PXDNL: variants seen among roughly 807,000 people sequenced by gnomAD.
PXDNL encodes peroxidasin like.
In PXDNL, 145 loss-of-function variants were observed where a neutral mutation model predicts 150.8. That is an observed-to-expected ratio of 0.96 (90% CI 0.84 to 1.10). The LOEUF is 1.10. Among genes scored for constraint, PXDNL ranks in the 50% least tolerant of loss-of-function variants. PXDNL has a pLI of 0.00. For synonymous variants in PXDNL, 757 were observed against 725.7 expected (o/e 1.04, Z -0.69); for missense variants, 2,087 against 1,873.9 (o/e 1.11, Z -2.10).
At chr8:51,535,144 G>T (rs200323391) in intron 4 of PXDNL, among the ~76,000 whole-genome samples, 54 of 132,310 alleles carry the variant, frequency 4.1e-4, no homozygotes, top group African/African-American at 1.2e-3. Context: ...GAGGTGAGGG[G>T]CGCTTCTGCC....
chr8:51,495,238 C>CA (rs1811016717), intron 5 of PXDNL, among the ~76,000 whole-genome samples: 1 of 151,942 alleles, frequency 6.6e-6, no homozygotes, highest in South Asian at 2.1e-4. Context: ...CCAATGAGAA[C>CA]AAAGACACAA....
intron 1 of PXDNL, among the ~76,000 whole-genome samples, chr8:51,655,274 G>A (rs372675152): frequency 1.1e-4 from 17 of 152,120 alleles, no homozygotes; most frequent in East Asian, 3.8e-4. Flanking sequence ...TGAGAGAGAC[G>A]TTACTCCACA....
chr8:51,608,579 T>C lies in PXDNL; in HGVS notation c.237-15881A>G, dbSNP rs908518572. On this transcript the variant is annotated intron_variant, in intron 2 of 22. Coordinates refer to ENST00000356297, the MANE Select transcript of PXDNL (RefSeq NM_144651.5). ...CAGGCCGGGCGCGGTGGCTCACGCC[T>C]GTAATCCCAGCACTTTGGGAGGCCA... 1.6e-4 allele frequency among the ~76,000 whole-genome samples: 23 copies of C among 148,090 alleles called. 2 individuals are homozygous for C. Among genetic ancestry groups the C allele is most frequent in the Admixed American group, 2.7e-4 (4 of 15,026 alleles).
intron 12 of PXDNL, among the ~76,000 whole-genome samples, chr8:51,433,079 C>T (rs952900256): frequency 1.1e-4 from 16 of 152,036 alleles, no homozygotes; most frequent in South Asian, 6.2e-4. Context: ...TGTGGCAGGG[C>T]GCCCCTGTAG....
At chr8:51,789,780 G>A (rs2037493898) in intron 1 of PXDNL, among the ~76,000 whole-genome samples, 1 of 152,002 alleles carries the variant, frequency 6.6e-6, no homozygotes, top group South Asian at 2.1e-4. Context: ...ATCCTTCAGG[G>A]GAAAGAGCAC....
At chr8:51,730,458 A>C (rs1816897162) in intron 1 of PXDNL, among the ~76,000 whole-genome samples, 1 of 152,206 alleles carries the variant, frequency 6.6e-6, no homozygotes, top group South Asian at 2.1e-4. Flanking sequence ...TGATAGGAAG[A>C]AAACCCCCAA....
chr8:51,600,588 T>C (rs1813689402), intron 2 of PXDNL, among the ~76,000 whole-genome samples: 1 of 136,204 alleles, frequency 7.3e-6, no homozygotes, highest in African/African-American at 2.7e-5. Context: ...AATTATATCT[T>C]ATATAAATTA....
intron 7 of PXDNL, 35 bp downstream of exon 7, chr8:51,474,937 A>G (rs190551671): frequency 6.1e-6 from 9 of 1,484,578 alleles, no homozygotes; most frequent in Middle Eastern, 2.1e-4. Flanking sequence ...AATGAGAGAC[A>G]GTTCTATCTT....
At chr8:51,502,402 A>G (rs1435061481) in intron 4 of PXDNL, among the ~76,000 whole-genome samples, 2 of 152,180 alleles carry the variant, frequency 1.3e-5, no homozygotes, top group Non-Finnish European at 2.9e-5. Flanking sequence ...CAAAGCCACA[A>G]AGCCAATCAA....
At chr8:51,671,001 G>C (rs1815489058) in intron 1 of PXDNL, among the ~76,000 whole-genome samples, 1 of 152,084 alleles carries the variant, frequency 6.6e-6, no homozygotes, top group Admixed American at 6.6e-5. Context: ...AATGAAACAA[G>C]ACTAAGAAAA....
chr8:51,470,857 T>C (rs6473604), intron 8 of PXDNL, among the ~76,000 whole-genome samples: 31,253 of 152,038 alleles, frequency 0.21, 4,322 homozygotes, highest in African/African-American at 0.39. Flanking sequence ...AAGACTTCAA[T>C]GTAAGACCTA....
chr8:51,584,807 T>C (rs919632707), intron 3 of PXDNL, among the ~76,000 whole-genome samples: 4 of 152,154 alleles, frequency 2.6e-5, no homozygotes, highest in African/African-American at 9.7e-5. Context: ...ATGGGAGCCA[T>C]TGAAGAACCC....
chr8:51,632,579 A>G (rs1374152791), intron 2 of PXDNL, among the ~76,000 whole-genome samples: 1 of 152,206 alleles, frequency 6.6e-6, no homozygotes, highest in Non-Finnish European at 1.5e-5. Context: ...GGGCAACAGA[A>G]TGAGACCCTA....
intron 1 of PXDNL, among the ~76,000 whole-genome samples, chr8:51,792,458 G>C (rs1175254699): frequency 6.6e-6 from 1 of 152,184 alleles, no homozygotes; most frequent in African/African-American, 2.4e-5. Flanking sequence ...CAGGGCCTTG[G>C]GTCCCAAGCA....
rs114226940 is a variant in PXDNL at position 51,452,781 on chromosome 8, G to A, written c.1249+738C>T. Among the ~76,000 whole-genome samples, 373 of 152,242 alleles carry A rather than the reference G, an allele frequency of 2.5e-3. 2 individuals carry two copies. The highest frequency in any genetic ancestry group is 0.014 in the Middle Eastern group (4 of 294). On this transcript the variant is annotated intron_variant, in intron 10 of 22. Coordinates refer to ENST00000356297, the MANE Select transcript of PXDNL (RefSeq NM_144651.5). ...CCTAAAACGGATCATGTAAATTACC[G>A]TACTCTCATCAACTGATGAAAAACT...
At chr8:51,322,690 G>A (rs901433981) in intron 21 of PXDNL, among the ~76,000 whole-genome samples, 2 of 152,140 alleles carry the variant, frequency 1.3e-5, no homozygotes, top group African/African-American at 4.8e-5. Context: ...AGGAGAAGAG[G>A]AGAACCCAAA....
At chr8:51,379,976 T>A (rs1478586790) in intron 17 of PXDNL, among the ~76,000 whole-genome samples, 1 of 152,130 alleles carries the variant, frequency 6.6e-6, no homozygotes, top group African/African-American at 2.4e-5. Flanking sequence ...GCCCTTTTTC[T>A]TGTGGCTTTC....
intron 19 of PXDNL, among the ~76,000 whole-genome samples, chr8:51,351,022 C>T (rs909323880): frequency 1.3e-5 from 2 of 152,098 alleles, no homozygotes; most frequent in Admixed American, 1.3e-4. Flanking sequence ...CTGAACTATC[C>T]CCACAATTGT....
In PXDNL at chr8:51,688,198, A is replaced by G. The variant is rs921203892; in HGVS notation, c.165-33438T>C. Among the ~76,000 whole-genome samples the G allele has an allele frequency of 1.3e-5, 2 of 152,124 alleles. 1 individual carries two copies. The highest frequency in any genetic ancestry group is 4.8e-5 in the African/African-American group (2 of 41,414). On this transcript the variant is annotated intron_variant, in intron 1 of 22. Coordinates refer to ENST00000356297, the MANE Select transcript of PXDNL (RefSeq NM_144651.5). Reference sequence around the variant, plus strand: ...CGGCAGATCAGTATGACCAGAGGCAATGCCACTGGGTGAGGGGAGGGGAGC... The same window carrying G: ...CGGCAGATCAGTATGACCAGAGGCAGTGCCACTGGGTGAGGGGAGGGGAGC...
Sources: gnomAD v4.1 joint callset for allele counts (sites outside exome capture counted in the v4.1 genomes callset) on GRCh38, gnomAD v4.1.1 for gene constraint, MANE v1.5 for transcripts, NCBI Gene and HGNC (gene_info 2026-07-23, HGNC 2026-07-21) for gene names.